The following PRKG1 variants were observed in gnomAD, a reference collection of about 807,000 sequenced individuals.
PRKG1 encodes the protein protein kinase cGMP-dependent 1, also known as cGMP-dependent protein kinase 1.
A neutral mutation model predicts 88.1 loss-of-function variants in PRKG1; 35 were observed. That is an observed-to-expected ratio of 0.40 (90% CI 0.30 to 0.53). PRKG1 has a LOEUF of 0.53. Ranked by LOEUF, PRKG1 falls within the 20% of genes least tolerant of loss-of-function variation. PRKG1 has a pLI of 0.59. For synonymous variants in PRKG1, 303 were observed against 292.5 expected (o/e 1.04, Z -0.37); for missense variants, 540 against 839.8 (o/e 0.64, Z 4.41).
At chr10:51,716,739 C>G (rs1841896345) in intron 3 of PRKG1, among the ~76,000 whole-genome samples, 1 of 152,158 alleles carries the variant, frequency 6.6e-6, no homozygotes, top group African/African-American at 2.4e-5. Flanking sequence ...GTTGCACAGG[C>G]CAGAGTGCAG....
At chr10:51,698,850 G>A in intron 3 of PRKG1, 1 of 1,614,184 alleles carries the variant, frequency 6.2e-7, no homozygotes. Context: ...GGAGCTGGAG[G>A]ATTCTGCTGG....
At chr10:51,163,709 G>T (rs1358867111) in intron 2 of PRKG1, among the ~76,000 whole-genome samples, 3 of 152,142 alleles carry the variant, frequency 2.0e-5, no homozygotes, top group African/African-American at 7.2e-5. Flanking sequence ...GCGCTTTTCC[G>T]ACGGGCTTAA....
chr10:51,125,847 T>C (rs1319225776), intron 1 of PRKG1, among the ~76,000 whole-genome samples: 1 of 141,022 alleles, frequency 7.1e-6, no homozygotes, highest in Non-Finnish European at 1.5e-5. Flanking sequence ...ATAATTTAAT[T>C]ATATAATTAT....
chr10:51,413,091 G>T (rs1838140032), intron 2 of PRKG1, among the ~76,000 whole-genome samples: 1 of 152,150 alleles, frequency 6.6e-6, no homozygotes, highest in Non-Finnish European at 1.5e-5. Context: ...TAGCTGAATG[G>T]TGTGAGAAAT....
At chr10:52,068,419 G>A (rs569440324) in intron 7 of PRKG1, among the ~76,000 whole-genome samples, 5 of 152,024 alleles carry the variant, frequency 3.3e-5, no homozygotes, top group Non-Finnish European at 7.4e-5. Context: ...CTTCAGCATA[G>A]CATATGGCTA....
chr10:51,686,436 A>C (rs1840993253), intron 3 of PRKG1, among the ~76,000 whole-genome samples: 1 of 152,116 alleles, frequency 6.6e-6, no homozygotes. Context: ...AGGATAATGG[A>C]GCTTTGGCCA....
intron 2 of PRKG1, among the ~76,000 whole-genome samples, chr10:51,284,060 C>G (rs1840370311): frequency 1.3e-5 from 2 of 152,230 alleles, no homozygotes; most frequent in African/African-American, 4.8e-5. Context: ...GACTGTGATG[C>G]TGGACTATAA....
At chr10:52,204,182 C>T (rs2132784319) in intron 9 of PRKG1, among the ~76,000 whole-genome samples, 1 of 152,092 alleles carries the variant, frequency 6.6e-6, no homozygotes, top group Admixed American at 6.6e-5. Flanking sequence ...CTTACTGCAG[C>T]CTCCACCTCC....
chr10:51,173,730 A>G (rs1370269582), intron 2 of PRKG1, among the ~76,000 whole-genome samples: 1 of 151,876 alleles, frequency 6.6e-6, no homozygotes, highest in East Asian at 1.9e-4. Context: ...TTCTTTCTAA[A>G]AAATACCCAT....
At chr10:51,470,997 T>C (rs535667176) in intron 3 of PRKG1, among the ~76,000 whole-genome samples, 2 of 151,966 alleles carry the variant, frequency 1.3e-5, no homozygotes, top group Admixed American at 6.6e-5. Flanking sequence ...CACAGTGATA[T>C]AGAAAGAAAA....
intron 2 of PRKG1, among the ~76,000 whole-genome samples, chr10:51,409,866 A>AT (rs2132684837): frequency 6.6e-6 from 1 of 150,984 alleles, no homozygotes; most frequent in African/African-American, 2.4e-5. Flanking sequence ...AAAAAAAAAA[A>AT]AAAAGGAGAG....
intron 3 of PRKG1, among the ~76,000 whole-genome samples, chr10:51,577,946 A>G (rs1837930107): frequency 6.6e-6 from 1 of 152,198 alleles, no homozygotes; most frequent in African/African-American, 2.4e-5. Flanking sequence ...GTACTAAATC[A>G]CCTGGAAGTT....
At chr10:51,723,927 G>A (rs1842071756) in intron 3 of PRKG1, among the ~76,000 whole-genome samples, 1 of 152,138 alleles carries the variant, frequency 6.6e-6, no homozygotes, top group Admixed American at 6.5e-5. Flanking sequence ...TTTCGTATGG[G>A]TTTCAACTGA....
At chr10:51,767,476 T>A (rs895615030) in intron 3 of PRKG1, among the ~76,000 whole-genome samples, 4 of 152,176 alleles carry the variant, frequency 2.6e-5, no homozygotes, top group African/African-American at 9.7e-5. Context: ...GACTTTTTAG[T>A]CTCTTCTCTA....
intron 5 of PRKG1, among the ~76,000 whole-genome samples, chr10:52,010,833 A>T (rs775878312): frequency 3.3e-5 from 5 of 152,352 alleles, no homozygotes; most frequent in Non-Finnish European, 7.3e-5. Flanking sequence ...CAGAATACTC[A>T]TAAGAGCACA....
intron 4 of PRKG1, among the ~76,000 whole-genome samples, chr10:51,850,734 TA>T (rs1163414981): frequency 6.6e-6 from 1 of 152,008 alleles, no homozygotes; most frequent in African/African-American, 2.4e-5. Flanking sequence ...AAAAGATAAA[TA>T]ACCTCATTCA....
intron 4 of PRKG1, among the ~76,000 whole-genome samples, chr10:51,833,321 AG>A (rs1840049392): frequency 6.6e-6 from 1 of 152,184 alleles, no homozygotes; most frequent in African/African-American, 2.4e-5. Flanking sequence ...GAACCTCAGT[AG>A]GGATAGTCAT....
intron 3 of PRKG1, among the ~76,000 whole-genome samples, chr10:51,657,622 C>A (rs1402979123): frequency 1.3e-5 from 2 of 152,140 alleles, no homozygotes; most frequent in African/African-American, 4.8e-5. Flanking sequence ...TTTAAATATG[C>A]CTTTCTTTCA....
At position 51,950,532 on chromosome 10, in the gene PRKG1, C is replaced by T. The variant is rs116056786; in HGVS notation, c.762+42962C>T. Among the ~76,000 whole-genome samples, 631 of 152,352 alleles carry T rather than the reference C, an allele frequency of 4.1e-3. 6 individuals carry two copies. Among genetic ancestry groups the T allele is most frequent in the African/African-American group, 0.014 (596 of 41,592 alleles). The stretch of plus-strand genomic sequence containing the variant: ...GCTCTGCCCCTTGCGGAAGGGAGCA[C>T]GTGAGTGAGCCAGGGCGGGATCTGG... On this transcript the variant is annotated intron_variant, in intron 5 of 17. Transcript: ENST00000373980.
Sources: gnomAD v4.1 joint callset for allele counts (sites outside exome capture counted in the v4.1 genomes callset) on GRCh38, gnomAD v4.1.1 for gene constraint, MANE v1.5 for transcripts, NCBI Gene and HGNC (gene_info 2026-07-23, HGNC 2026-07-21) for gene names.